The following NEU3 variants were observed in gnomAD, a reference collection of about 807,000 sequenced individuals.
The protein encoded by NEU3 is sialidase-3.
Under a neutral mutation model 11.4 loss-of-function variants are expected in NEU3, and 10 were observed. The ratio of observed to expected loss-of-function variants is 0.88; its 90% CI spans 0.54 to 1.49. The LOEUF (loss-of-function observed/expected upper bound fraction) is 1.49, where lower values mean the gene tolerates loss of function less well. Ranked by LOEUF, NEU3 falls within the 40% of genes most tolerant of loss-of-function variation. The probability of loss-of-function intolerance (pLI) is 0.00; values close to 1 mark genes in which losing one functional copy is unlikely to be tolerated. For synonymous variants in NEU3, 212 were observed against 228.2 expected, an observed-to-expected ratio of 0.93 and a Z score of 0.64; for missense variants, 529 against 581.8, an observed-to-expected ratio of 0.91 and a Z score of 0.93.
rs1460642903 is a variant in NEU3 at position 75,006,037 on chromosome 11, G to A, written c.931G>A (p.Gly311Ser). The change falls in exon 3 of 3, where the codon GGT becomes AGT. Residue 311 changes from glycine (G) to serine (S), a missense_variant. Physicochemically the swap from Gly to Ser is moderately conservative, Grantham distance 56. Coordinates refer to ENST00000294064, the MANE Select transcript of NEU3 (RefSeq NM_006656.6). ...TCGACAGCTCTGTGAGCCCCCACAT[G>A]GTTGCCAAGGGAGTGTGGTAAGTTT... is the stretch of plus-strand genomic sequence containing the variant. ...LSRQLCEPPH[G>S]CQGSVVSFRP... The A allele has an allele frequency of 1.2e-6, 2 of 1,613,976 alleles. No individual in the cohort carries two copies. Among genetic ancestry groups the A allele is most frequent in the Non-Finnish European group, 1.7e-6 (2 of 1,179,902 alleles).
At chr11:74,987,641 G>A (rs1473286541), upstream of NEU3, among the ~76,000 whole-genome samples, 1 of 151,878 alleles carries the variant, frequency 6.6e-6, no homozygotes, top group Non-Finnish European at 1.5e-5. Context: ...GTGAAACCCC[G>A]TCTCTATAAA....
chr11:74,981,637 C>T, the NEU3 span, among the ~76,000 whole-genome samples: 1 of 152,144 alleles, frequency 6.6e-6, no homozygotes, highest in Non-Finnish European at 1.5e-5. Context: ...GTCTCTGACC[C>T]AGGAATCTCA....
chr11:74,990,241 C>G (rs983519046), intron 1 of NEU3: 3 of 474,478 alleles, frequency 6.3e-6, no homozygotes, highest in Admixed American at 3.6e-5. Context: ...GAATCCAAGA[C>G]CTAGAGGTTG....
At chr11:74,987,973 C>T (rs1349574708), upstream of NEU3, among the ~76,000 whole-genome samples, 1 of 129,886 alleles carries the variant, frequency 7.7e-6, no homozygotes, top group African/African-American at 3.0e-5. Flanking sequence ...TCAAAGAACC[C>T]TCATCATTTT....
chr11:75,004,049 T>C (rs1346165394), intron 2 of NEU3, among the ~76,000 whole-genome samples: 2 of 152,214 alleles, frequency 1.3e-5, no homozygotes, highest in African/African-American at 2.4e-5. Context: ...AATAATCTTA[T>C]ACATACTTAA....
rs1374482394 is a variant in NEU3, at chr11:75,006,143, G to A, written c.1037G>A (p.Ser346Asn). 6.2e-7 allele frequency: 1 copy of A among 1,613,926 alleles called. No homozygotes were observed. The highest frequency in any genetic ancestry group is 8.5e-7 in the Non-Finnish European group (1 of 1,179,910). The change falls in exon 3 of 3, where the codon AGT becomes AAT. Residue 346 changes from serine to asparagine, a missense_variant. Transcript: ENST00000294064. Reference sequence around the variant, plus strand: ...ACCATTCAGCAGAGCTCTCCAGGCAGTTCACTGAGGCTGGAGGAGGAAGCT... The same window carrying A: ...ACCATTCAGCAGAGCTCTCCAGGCAATTCACTGAGGCTGGAGGAGGAAGCT... ...APTIQQSSPG[S>N]SLRLEEEAGT... is the part of the protein sequence containing the mutation.
chr11:74,983,358 C>T (rs190528819), upstream of NEU3, among the ~76,000 whole-genome samples: 212 of 152,238 alleles, frequency 1.4e-3, no homozygotes, highest in African/African-American at 2.6e-3. Flanking sequence ...AACATACAAC[C>T]GCAAGAGGAA....
chr11:74,989,087 C>T lies in NEU3; in HGVS notation c.27C>T (p.Arg9=). ...TGAGACCTGCGGACCTGCCCCCGCG[C>T]CCCATGGAAGAATCCCCGGCGTCCA... The part of the protein sequence containing the change: MRPADLPP[R]PMEESPASSS... The change falls in exon 1 of 3, where the codon CGC becomes CGT. Residue 9 remains arginine (R), a synonymous_variant. Coordinates refer to ENST00000294064, the MANE Select transcript of NEU3 (RefSeq NM_006656.6). 1 of 1,550,910 alleles carries T rather than the reference C, an allele frequency of 6.4e-7. No homozygotes were observed. The highest frequency in any genetic ancestry group is 1.2e-5 in the South Asian group (1 of 84,038).
chr11:74,984,996 T>G (rs1282398360), upstream of NEU3, among the ~76,000 whole-genome samples: 1 of 152,130 alleles, frequency 6.6e-6, no homozygotes, highest in Admixed American at 6.5e-5. Flanking sequence ...GAAGAGAGGA[T>G]TGGAGCCAGG....
At chr11:75,003,600 G>A (rs1397604166) in intron 2 of NEU3, among the ~76,000 whole-genome samples, 1 of 152,126 alleles carries the variant, frequency 6.6e-6, no homozygotes, top group Non-Finnish European at 1.5e-5. Flanking sequence ...AATAAATTAT[G>A]AAAATCAGGC....
At position 75,008,120 on chromosome 11, in the gene NEU3, C is replaced by T. The variant is rs1017821803; in HGVS notation, c.*1628C>T. The stretch of plus-strand genomic sequence containing the variant: ...ATACACAATTATTCACTCATGTATA[C>T]ATTTATCTAAATATTTCTTGAGTGC... On this transcript the variant is annotated 3_prime_UTR_variant, in exon 3 of 3. Coordinates refer to ENST00000294064, the MANE Select transcript of NEU3 (RefSeq NM_006656.6). 1.3e-5 allele frequency: 2 copies of T among 152,226 alleles called. No individual in the cohort carries two copies. The highest frequency in any genetic ancestry group is 4.8e-5 in the African/African-American group (2 of 41,456). The allele number at this position is 152,226 out of a possible 1,614,324, so 9.4% of individuals were successfully genotyped here.
chr11:74,994,714 G>T lies in NEU3; in HGVS notation c.300G>T (p.Leu100Phe). 1 of 1,613,740 alleles carries T rather than the reference G, an allele frequency of 6.2e-7. No homozygotes were observed. Among genetic ancestry groups the T allele is most frequent in the Non-Finnish European group, 8.5e-7 (1 of 1,179,646 alleles). Residue 100 changes from leucine (L) to phenylalanine (F), a missense_variant, in exon 2 of 3, where the codon TTG becomes TTT. Transcript: ENST00000294064. ...GGCGAGGGTTGAGGATTGGGCAGTT[G>T]GTACAGGTGACTCTTCATCCCAGAT... is the stretch of plus-strand genomic sequence containing the variant. ...VLRRGLRIGQ[L>F]VQWGPLKPLM...
chr11:75,012,999 C>T (rs904691232), downstream of NEU3, among the ~76,000 whole-genome samples: 8 of 152,090 alleles, frequency 5.3e-5, no homozygotes, highest in African/African-American at 1.2e-4. Context: ...TTGGTGATGT[C>T]GCATGAAGAT....
At chr11:75,001,857 G>C (rs1376605898) in intron 2 of NEU3, among the ~76,000 whole-genome samples, 1 of 152,208 alleles carries the variant, frequency 6.6e-6, no homozygotes, top group African/African-American at 2.4e-5. Flanking sequence ...TAAGTAAGCT[G>C]ACTTGATCAC....
chr11:74,991,164 A>T (rs1447078270), intron 1 of NEU3, among the ~76,000 whole-genome samples: 1 of 152,246 alleles, frequency 6.6e-6, no homozygotes, highest in African/African-American at 2.4e-5. Flanking sequence ...TGGCTCAGAG[A>T]CAGATTGTTT....
Position 75,005,939 on chromosome 11 carries a change from G to A in NEU3, c.833G>A (p.Arg278Gln), listed in dbSNP as rs769447064. 3.1e-5 allele frequency: 50 copies of A among 1,613,512 alleles called. No homozygotes were observed. The highest frequency in any genetic ancestry group is 3.5e-5 in the Non-Finnish European group (41 of 1,179,858). The part of the protein sequence containing the change: ...AGHPVLYCSA[R>Q]TPNRCRAEAL... ...CACCCTGTGCTATATTGCAGTGCCC[G>A]GACACCAAACAGGTGCCGGGCAGAG... The change falls in exon 3 of 3, where the codon CGG (arginine) becomes CAG (glutamine). Residue 278 changes from arginine to glutamine, a missense_variant. Physicochemically the swap from Arg to Gln is conservative, Grantham distance 43. Transcript: ENST00000294064.
At position 75,006,843 on chromosome 11, in the gene NEU3, T is replaced by A. The variant is rs1172827240; in HGVS notation, c.*351T>A. 2 of 204,266 alleles carry A rather than the reference T, an allele frequency of 9.8e-6. No individual in the cohort carries two copies. The highest frequency in any genetic ancestry group is 2.0e-5 in the Non-Finnish European group (2 of 101,026). 12.7% of individuals were successfully genotyped at this position (204,266 alleles called of 1,614,324 possible). A position where few individuals can be genotyped will look rare whatever the true frequency, so the allele number is the denominator to read the frequency against. Reference sequence around the variant, plus strand: ...CCCTAGGACAAGCATAGTGCCTGCATGCTTCATGATCAGTAAGTCCTGGCT... The same window carrying A: ...CCCTAGGACAAGCATAGTGCCTGCAAGCTTCATGATCAGTAAGTCCTGGCT... On this transcript the variant is annotated 3_prime_UTR_variant, in exon 3 of 3. Coordinates refer to ENST00000294064, the MANE Select transcript of NEU3 (RefSeq NM_006656.6).
At chr11:75,014,160 G>T (rs1231209331), downstream of NEU3, among the ~76,000 whole-genome samples, 1 of 152,202 alleles carries the variant, frequency 6.6e-6, no homozygotes, top group Non-Finnish European at 1.5e-5. Flanking sequence ...CTTCAGATCA[G>T]ATGGCTTCCA....
downstream of NEU3, among the ~76,000 whole-genome samples, chr11:75,014,456 TC>T (rs1948972782): frequency 2.0e-5 from 3 of 152,306 alleles, no homozygotes; most frequent in South Asian, 6.2e-4. Flanking sequence ...ATGTGGATGT[TC>T]CTTCACACAT....
Sources: gnomAD v4.1 joint callset for allele counts (sites outside exome capture counted in the v4.1 genomes callset) on GRCh38, gnomAD v4.1.1 for gene constraint, MANE v1.5 for transcripts, NCBI Gene and HGNC (gene_info 2026-07-23, HGNC 2026-07-21) for gene names.